TRAF6: variants seen among roughly 807,000 people sequenced by gnomAD.
TRAF6 encodes TNF receptor associated factor 6, also known as TNF receptor-associated factor 6.
Under a neutral mutation model 48.4 loss-of-function variants are expected in TRAF6, and 10 were observed. That is an observed-to-expected ratio of 0.21 (90% confidence interval 0.13 to 0.35). TRAF6 has a LOEUF of 0.35. Among genes scored for constraint, TRAF6 ranks in the 10% least tolerant of loss-of-function variants. TRAF6 has a pLI of 1.00. For synonymous variants in TRAF6, 186 were observed against 219.6 expected (o/e 0.85, Z 1.35); for missense variants, 397 against 661.0 (o/e 0.60, Z 4.38).
rs1300114657 is a variant in TRAF6 at position 36,488,805 on chromosome 11, A to G, written c.*1033T>C. ...TATCTCCAATCATCTCCCAAGTTTTAAAAAATTCTGATTTTAGGAAATCAA... is the reference window on the plus strand; with the variant it reads ...TATCTCCAATCATCTCCCAAGTTTTGAAAAATTCTGATTTTAGGAAATCAA... On this transcript the variant is annotated 3_prime_UTR_variant, in exon 7 of 7. Transcript: ENST00000526995. 6.6e-6 allele frequency: 1 copy of G among 152,194 alleles called. No homozygotes were observed. The highest frequency in any genetic ancestry group is 1.9e-4 in the East Asian group (1 of 5,188). 9.4% of individuals were successfully genotyped at this position (152,194 alleles called of 1,614,324 possible). A position where few individuals can be genotyped will look rare whatever the true frequency, so the allele number is the denominator to read the frequency against.
In TRAF6 at chr11:36,501,374, A is replaced by G; in HGVS notation, c.142T>C (p.Ser48Pro). Residue 48 changes from serine to proline, a missense_variant, in exon 2 of 7, where the codon TCA (serine) becomes CCA (proline). Physicochemically the swap from Ser to Pro is moderately conservative, Grantham distance 74 (BLOSUM62 -1). Transcript: ENST00000526995. The stretch of plus-strand genomic sequence containing the variant: ...TATCCCTGGATCTCCTCCATAAATG[A>G]GCTGGAGAGGTTCCCCGTGCTGGCA... ...GTASTGNLSS[S>P]FMEEIQGYDV... is the part of the protein sequence containing the mutation. The G allele has an allele frequency of 1.2e-6, 2 of 1,614,080 alleles. No homozygotes were observed. Among genetic ancestry groups the G allele is most frequent in the African/African-American group, 1.3e-5 (1 of 75,002 alleles).
rs55840758 is a variant in TRAF6 at position 36,490,571 on chromosome 11, C to T, written c.836G>A (p.Ser279Asn). 1 of 1,614,146 alleles carries T rather than the reference C, an allele frequency of 6.2e-7. No homozygotes were observed. The highest frequency in any genetic ancestry group is 1.7e-5 in the Admixed American group (1 of 60,016). ...HMRMLAQAVH[S>N]LSVIPDSGYI... is the part of the protein sequence containing the mutation. ...CCCAGAGTCGGGTATAACGCTCAAA[C>T]TATGAACAGCCTGGGCCAACATTCT... The change falls in exon 7 of 7, where the codon AGT becomes AAT. Residue 279 changes from serine to asparagine, a missense_variant. This residue lies in a region of TRAF6 where 245 missense variants were observed against 349.1 expected (regional missense o/e 0.70). Coordinates refer to ENST00000526995, the MANE Select transcript of TRAF6 (RefSeq NM_004620.4). This position sits in a 1 kb window ranked among gnomAD's most constrained non-coding sequence, Gnocchi z 6.4.
rs1473212087 is a variant in TRAF6, at chr11:36,487,413, A to C, written c.*2425T>G. Reference sequence around the variant, plus strand: ...TACTTTGTAGTCAAGATGAATGACCAGCATAAAATAACTGGCTGGTTTATG... The same window carrying C: ...TACTTTGTAGTCAAGATGAATGACCCGCATAAAATAACTGGCTGGTTTATG... On this transcript the variant is annotated 3_prime_UTR_variant, in exon 7 of 7. Coordinates refer to ENST00000526995, the MANE Select transcript of TRAF6 (RefSeq NM_004620.4). 6.6e-6 allele frequency: 1 copy of C among 152,272 alleles called. No individual in the cohort carries two copies. The highest frequency in any genetic ancestry group is 1.5e-5 in the Non-Finnish European group (1 of 68,044). 9.4% of individuals were successfully genotyped at this position (152,272 alleles called of 1,614,324 possible). A position where few individuals can be genotyped will look rare whatever the true frequency, so the allele number is the denominator to read the frequency against.
chr11:36,491,813 A>T (rs906556734), intron 6 of TRAF6, among the ~76,000 whole-genome samples: 1 of 152,282 alleles, frequency 6.6e-6, no homozygotes, highest in Admixed American at 6.5e-5. Context: ...TCTGAGTCCT[A>T]ATTTCTCTTT....
intron 6 of TRAF6, 91 bp downstream of exon 6, chr11:36,492,460 T>C (rs2133666567): frequency 9.4e-7 from 1 of 1,064,988 alleles, no homozygotes. Context: ...GCTTTACAAC[T>C]ACATCTACAT....
At chr11:36,504,404 A>G (rs1461887744) in intron 1 of TRAF6, among the ~76,000 whole-genome samples, 2 of 152,214 alleles carry the variant, frequency 1.3e-5, no homozygotes, top group African/African-American at 4.8e-5. Flanking sequence ...TTCCATCTCA[A>G]AAAACCACTG....
At chr11:36,495,411 T>C (rs2098084619) in intron 4 of TRAF6, among the ~76,000 whole-genome samples, 2 of 152,200 alleles carry the variant, frequency 1.3e-5, no homozygotes, top group African/African-American at 2.4e-5. Context: ...AGCATGACAA[T>C]TTAATTAAAA....
chr11:36,490,120 T>C lies in TRAF6; in HGVS notation c.1287A>G (p.Thr429=), dbSNP rs1425224406. The C allele has an allele frequency of 1.2e-6, 2 of 1,614,096 alleles. No individual in the cohort carries two copies. Among genetic ancestry groups the C allele is most frequent in the Non-Finnish European group, 8.5e-7 (1 of 1,180,048 alleles). Reference sequence around the variant, plus strand: ...ACTGATCAAGAATTGTAAGGCGTATTGTACCCTGGAAGGGCCAAGGGAGGT... The same window carrying C: ...ACTGATCAAGAATTGTAAGGCGTATCGTACCCTGGAAGGGCCAAGGGAGGT... ...DSHLPWPFQG[T]IRLTILDQSE... Residue 429 remains threonine, a synonymous_variant, in exon 7 of 7, where the codon ACA becomes ACG. Coordinates refer to ENST00000526995, the MANE Select transcript of TRAF6 (RefSeq NM_004620.4). The surrounding 1 kb of genome is among the most constrained non-coding windows in gnomAD (Gnocchi z 6.4).
rs982022574 is a variant in TRAF6 at position 36,484,233 on chromosome 11, T to C, written c.*5605A>G. On this transcript the variant is annotated 3_prime_UTR_variant, in exon 7 of 7. Coordinates refer to ENST00000526995, the MANE Select transcript of TRAF6 (RefSeq NM_004620.4). The stretch of plus-strand genomic sequence containing the variant: ...CCACCTCAAATCTGGATAATTCCTT[T>C]AATCCCTTCCTTCAATACAACCTGC... Among the ~76,000 whole-genome samples, 5 of 152,242 alleles carry C rather than the reference T, an allele frequency of 3.3e-5. No individual in the cohort carries two copies. Among genetic ancestry groups the C allele is most frequent in the African/African-American group, 1.2e-4 (5 of 41,462 alleles).
intron 3 of TRAF6, among the ~76,000 whole-genome samples, chr11:36,497,604 T>C (rs545187130): frequency 6.6e-6 from 1 of 152,352 alleles, no homozygotes; most frequent in South Asian, 2.1e-4. Context: ...GTAGTATATC[T>C]GCCTTAAACA....
chr11:36,492,615 T>C lies in TRAF6; in HGVS notation c.692A>G (p.Tyr231Cys). 6.2e-7 allele frequency: 1 copy of C among 1,609,748 alleles called. No individual in the cohort carries two copies. The highest frequency in any genetic ancestry group is 1.1e-5 in the South Asian group (1 of 89,616). The part of the protein sequence containing the change: ...ILIREQMPNH[Y>C]DLDCPTAPIP... Reference sequence around the variant, plus strand: ...TGGGGCTGTAGGGCAGTCTAGATCATAATGATTAGGCATCTGAAATCCAAA... The same window carrying C: ...TGGGGCTGTAGGGCAGTCTAGATCACAATGATTAGGCATCTGAAATCCAAA... The change falls in exon 6 of 7, where the codon TAT becomes TGT. Residue 231 changes from tyrosine (Y) to cysteine (C), a missense_variant. By Grantham distance (194) the Tyr-to-Cys change is radical. Coordinates refer to ENST00000526995, the MANE Select transcript of TRAF6 (RefSeq NM_004620.4).
intron 3 of TRAF6, among the ~76,000 whole-genome samples, 200 bp from the exon 4 acceptor site, chr11:36,497,466 G>A (rs1269533676): frequency 6.6e-6 from 1 of 152,206 alleles, no homozygotes; most frequent in East Asian, 1.9e-4. Context: ...TACAAAGGAT[G>A]TGAATTCTCA....
chr11:36,509,871 G>T (rs967547534), intron 1 of TRAF6, among the ~76,000 whole-genome samples, 177 bp downstream of exon 1: 16 of 151,052 alleles, frequency 1.1e-4, no homozygotes, highest in African/African-American at 3.9e-4. Context: ...GGGTAGGGGC[G>T]GCGTCCCTGA....
intron 3 of TRAF6, 84 bp downstream of exon 3, chr11:36,498,406 T>C: frequency 7.7e-7 from 1 of 1,299,754 alleles, no homozygotes; most frequent in Non-Finnish European, 1.1e-6. Context: ...GTACTGGCAA[T>C]ACACAGATGG....
chr11:36,495,163 C>G, intron 4 of TRAF6, 116 bp from the exon 5 acceptor site: 1 of 702,650 alleles, frequency 1.4e-6, no homozygotes, highest in Non-Finnish European at 2.5e-6. Flanking sequence ...TCAATTTGTA[C>G]AAAGCAAAAG....
chr11:36,505,327 G>A (rs768108926), intron 1 of TRAF6, among the ~76,000 whole-genome samples: 9 of 152,212 alleles, frequency 5.9e-5, no homozygotes, highest in Non-Finnish European at 1.3e-4. Context: ...TAGATAATGT[G>A]CTGTAGTTTT....
Position 36,492,548 on chromosome 11 carries a change from T to C in TRAF6, c.756+3A>G. 6.2e-7 allele frequency: 1 copy of C among 1,602,808 alleles called. No homozygotes were observed. The highest frequency in any genetic ancestry group is 8.5e-7 in the Non-Finnish European group (1 of 1,176,494). On this transcript the variant is annotated splice_donor_region_variant and intron_variant, in intron 6 of 6. Coordinates refer to ENST00000526995, the MANE Select transcript of TRAF6 (RefSeq NM_004620.4). ...CAAGAATTAAAAGAAAAAAAAACCT[T>C]ACCTTTTCATGGCAACCAAAAGTAC...
Position 36,498,609 on chromosome 11 carries a change from C to T in TRAF6, c.328G>A (p.Glu110Lys). 1.2e-6 allele frequency: 2 copies of T among 1,613,160 alleles called. No homozygotes were observed. Among genetic ancestry groups the T allele is most frequent in the South Asian group, 1.1e-5 (1 of 90,900 alleles). ...DAGHKCPVDNEILLENQLFPD... is the reference protein window; with the variant it reads ...DAGHKCPVDNKILLENQLFPD... ...AATAGTTGATTTTCCAGCAGTATTT[C>T]ATTGTCAACTGGACATTTGTGACCT... The change falls in exon 3 of 7, where the codon GAA becomes AAA. Residue 110 changes from glutamate to lysine, a missense_variant. This residue lies in a region of TRAF6 where 245 missense variants were observed against 349.1 expected (regional missense o/e 0.70). Coordinates refer to ENST00000526995, the MANE Select transcript of TRAF6 (RefSeq NM_004620.4).
chr11:36,509,662 T>A (rs1007839967), intron 1 of TRAF6, among the ~76,000 whole-genome samples: 9 of 151,624 alleles, frequency 5.9e-5, no homozygotes, highest in African/African-American at 2.2e-4. Context: ...GCGGGGTTTT[T>A]TAGGGGGTGG....
Sources: allele counts gnomAD v4.1 joint callset (sites outside exome capture counted in the v4.1 genomes callset), GRCh38; gene constraint gnomAD v4.1.1; regional missense constraint gnomAD v4.1.1; non-coding constraint Gnocchi (gnomAD v3.1); transcripts MANE v1.5; gene names NCBI Gene and HGNC (gene_info 2026-07-23, HGNC 2026-07-21).